The following TAFA1 variants were observed in gnomAD, a reference collection of about 807,000 sequenced individuals.
TAFA1 encodes TAFA chemokine like family member 1, also known as chemokine-like protein TAFA-1.
A neutral mutation model predicts 18.5 loss-of-function variants in TAFA1; 4 were observed. That is an observed-to-expected ratio of 0.22 (90% CI 0.11 to 0.49). The LOEUF (loss-of-function observed/expected upper bound fraction) is 0.49, where lower values mean the gene tolerates loss of function less well. Among genes scored for constraint, TAFA1 ranks in the 20% least tolerant of loss-of-function variants. The probability of loss-of-function intolerance (pLI) is 0.98; values close to 1 mark genes in which losing one functional copy is unlikely to be tolerated. For missense variants in TAFA1, 147 were observed against 169.0 expected (o/e 0.87, Z 0.72); for synonymous variants, 56 against 55.2 (o/e 1.01, Z -0.06).
At chr3:68,027,566 A>C (rs899165290) in intron 2 of TAFA1, among the ~76,000 whole-genome samples, 1 of 152,152 alleles carries the variant, frequency 6.6e-6, no homozygotes, top group African/African-American at 2.4e-5. Context: ...TCAGCCTGCC[A>C]ACTTGGATTG....
At chr3:68,252,751 A>G (rs137964094) in intron 2 of TAFA1, among the ~76,000 whole-genome samples, 3 of 152,292 alleles carry the variant, frequency 2.0e-5, no homozygotes, top group African/African-American at 4.8e-5. Flanking sequence ...GCTGCCCTGT[A>G]AAATTTAGGT....
chr3:68,034,587 C>A (rs143727866), intron 2 of TAFA1, among the ~76,000 whole-genome samples: 1 of 152,298 alleles, frequency 6.6e-6, no homozygotes, highest in Non-Finnish European at 1.5e-5. Context: ...AAACCAGTGT[C>A]TTTACAAAAT....
At chr3:68,520,357 C>G (rs777150680) in intron 3 of TAFA1, among the ~76,000 whole-genome samples, 6 of 152,160 alleles carry the variant, frequency 3.9e-5, no homozygotes, top group Non-Finnish European at 8.8e-5. Context: ...GAAGCCTTTT[C>G]TTTAGTTGCT....
chr3:68,539,272 A>G (rs1488543952), intron 4 of TAFA1, among the ~76,000 whole-genome samples: 2 of 152,152 alleles, frequency 1.3e-5, no homozygotes, highest in African/African-American at 2.4e-5. Context: ...TACAGAAGCC[A>G]TTTTCTAATG....
At chr3:68,415,310 A>C (rs908702835) in intron 2 of TAFA1, among the ~76,000 whole-genome samples, 1 of 152,222 alleles carries the variant, frequency 6.6e-6, no homozygotes, top group African/African-American at 2.4e-5. Flanking sequence ...ACAAGTGACA[A>C]CCTTGACCCC....
chr3:68,297,443 G>C (rs2068228319), intron 2 of TAFA1, among the ~76,000 whole-genome samples: 1 of 152,126 alleles, frequency 6.6e-6, no homozygotes, highest in South Asian at 2.1e-4. Context: ...TGATGACAGA[G>C]ACACCACAGC....
intron 3 of TAFA1, among the ~76,000 whole-genome samples, chr3:68,513,317 C>T (rs1320352725): frequency 6.6e-6 from 1 of 152,074 alleles, no homozygotes; most frequent in African/African-American, 2.4e-5. Flanking sequence ...CACCACTGTC[C>T]AATAGTACTT....
intron 2 of TAFA1, among the ~76,000 whole-genome samples, chr3:68,303,657 G>T (rs1240844070): frequency 3.9e-5 from 6 of 152,028 alleles, no homozygotes; most frequent in African/African-American, 1.4e-4. Context: ...CACTGTGTTA[G>T]CCGGGATGGT....
chr3:68,414,294 C>T (rs569914948), intron 2 of TAFA1, among the ~76,000 whole-genome samples: 24 of 151,940 alleles, frequency 1.6e-4, no homozygotes, highest in Non-Finnish European at 2.2e-4. Context: ...GCAACAGGAG[C>T]GAAACGCCAT....
At chr3:68,496,476 G>T (rs907193606) in intron 3 of TAFA1, among the ~76,000 whole-genome samples, 1 of 152,116 alleles carries the variant, frequency 6.6e-6, no homozygotes, top group Non-Finnish European at 1.5e-5. Context: ...GAGATGTTAC[G>T]TGTAGGTTCT....
At chr3:68,148,686 T>A (rs961453035) in intron 2 of TAFA1, among the ~76,000 whole-genome samples, 2 of 152,192 alleles carry the variant, frequency 1.3e-5, no homozygotes, top group Admixed American at 6.5e-5. Flanking sequence ...AGCAGCCTCC[T>A]GATTCATCCT....
At chr3:68,145,105 C>A (rs2065721639) in intron 2 of TAFA1, 3 of 1,070,828 alleles carry the variant, frequency 2.8e-6, no homozygotes, top group Non-Finnish European at 4.4e-6. Context: ...TTGCTACACC[C>A]CCAGTGTATG....
At chr3:68,534,938 T>C (rs1457584043) in intron 3 of TAFA1, among the ~76,000 whole-genome samples, 1 of 152,054 alleles carries the variant, frequency 6.6e-6, no homozygotes, top group Non-Finnish European at 1.5e-5. Flanking sequence ...CATTATTCGC[T>C]AGCTTCTGTG....
rs375163323 is a variant in TAFA1, at chr3:68,446,343, T to C, written c.259+28923T>C. ...GGCCTGCAAAGTCAAAAATACTTAA[T>C]ATCTGTTCCTTTACAGAAAAAGTTT... is the stretch of plus-strand genomic sequence containing the variant. On this transcript the variant is annotated intron_variant, in intron 3 of 4. Transcript: ENST00000478136. Among the ~76,000 whole-genome samples, 3 of 152,268 alleles carry C rather than the reference T, an allele frequency of 2.0e-5. No homozygotes were observed. The South Asian group carries it at 6.2e-4, about 32-fold the overall frequency.
intron 2 of TAFA1, among the ~76,000 whole-genome samples, chr3:68,124,665 A>C (rs1231788353): frequency 6.6e-6 from 1 of 152,208 alleles, no homozygotes; most frequent in Non-Finnish European, 1.5e-5. Context: ...CTAATTAATT[A>C]GTCACTCTTT....
At chr3:68,163,560 A>G (rs950471704) in intron 2 of TAFA1, among the ~76,000 whole-genome samples, 4 of 152,152 alleles carry the variant, frequency 2.6e-5, no homozygotes, top group African/African-American at 9.7e-5. Flanking sequence ...TTGTGCTCCC[A>G]TAGTGTTATG....
At chr3:68,093,636 G>C (rs1295653668) in intron 2 of TAFA1, among the ~76,000 whole-genome samples, 1 of 152,016 alleles carries the variant, frequency 6.6e-6, no homozygotes, top group Admixed American at 6.6e-5. Flanking sequence ...TTCTTCTGCA[G>C]CTGCTCCAGG....
At chr3:68,383,473 T>G (rs2070024363) in intron 2 of TAFA1, among the ~76,000 whole-genome samples, 1 of 152,200 alleles carries the variant, frequency 6.6e-6, no homozygotes, top group Admixed American at 6.5e-5. Context: ...GTTTATGCGA[T>G]GAATCACATT....
intron 3 of TAFA1, among the ~76,000 whole-genome samples, chr3:68,490,646 AT>A (rs1370640053): frequency 3.3e-5 from 5 of 151,892 alleles, no homozygotes; most frequent in African/African-American, 4.8e-5. Flanking sequence ...CTTCTTGCTA[AT>A]TTTTTTTGTT....
Sources: allele counts gnomAD v4.1 joint callset (sites outside exome capture counted in the v4.1 genomes callset), GRCh38; gene constraint gnomAD v4.1.1; transcripts MANE v1.5; gene names NCBI Gene and HGNC (gene_info 2026-07-23, HGNC 2026-07-21).